CHD5: variants seen among roughly 807,000 people sequenced by gnomAD.
The protein encoded by CHD5 is chromodomain helicase DNA binding protein 5, also known as ATP-dependent chromatin remodeler CHD5.
Under a neutral mutation model 230.3 loss-of-function variants are expected in CHD5, and 69 were observed. The ratio of observed to expected loss-of-function variants is 0.30; its 90% CI spans 0.25 to 0.37. The LOEUF (loss-of-function observed/expected upper bound fraction) is 0.37. Among genes scored for constraint, CHD5 ranks in the 10% least tolerant of loss-of-function variants. CHD5 has a pLI of 1.00. For missense variants in CHD5, 1,827 were observed against 2,622.8 expected, an observed-to-expected ratio of 0.70 and a Z score of 6.63; for synonymous variants, 1,064 against 1,065.9, an observed-to-expected ratio of 1.00 and a Z score of 0.03.
intron 3 of CHD5, among the ~76,000 whole-genome samples, chr1:6,156,307 C>T (rs573122198): frequency 6.6e-6 from 1 of 152,120 alleles, no homozygotes; most frequent in Non-Finnish European, 1.5e-5. Flanking sequence ...GAGGCCAAGG[C>T]AGACAGATCA....
intron 2 of CHD5, among the ~76,000 whole-genome samples, chr1:6,165,613 C>G (rs539241493): frequency 1.3e-5 from 2 of 152,016 alleles, no homozygotes; most frequent in Non-Finnish European, 2.9e-5. Context: ...CAAGATTTTA[C>G]AGCCTCCACC....
At chr1:6,168,021 T>G in intron 2 of CHD5, 129 bp downstream of exon 2, 1 of 1,154,676 alleles carries the variant, frequency 8.7e-7, no homozygotes, top group South Asian at 1.7e-5. Flanking sequence ...ATGGTGTTTT[T>G]CATCAAACTC....
Position 6,149,422 on chromosome 1 carries a change from G to A in CHD5, c.995-10C>T, listed in dbSNP as rs569650749. On this transcript the variant is annotated splice_polypyrimidine_tract_variant and intron_variant, in intron 7 of 41. Transcript: ENST00000262450. ...CCGTCACCATCATCAACTAGGGTAG[G>A]GGAGAGGCAGTCATGGAAGTCCTCA... is the stretch of plus-strand genomic sequence containing the variant. 10 of 1,595,816 alleles carry A rather than the reference G, an allele frequency of 6.3e-6. No individual in the cohort carries two copies. In the African/African-American group the frequency reaches 8.0e-5, roughly 13 times the overall value.
rs374172691 is a variant in CHD5, at chr1:6,121,249, A to C, written c.4780-12T>G. ...GCGGCTGGAAGGGCCTGCAGAGGAA[A>C]AGCCAGGAGAACTACAAGGCCTGGG... On this transcript the variant is annotated splice_polypyrimidine_tract_variant and intron_variant, in intron 32 of 41. Transcript: ENST00000262450. The surrounding 1 kb of genome is among the most constrained non-coding windows in gnomAD (Gnocchi z 4.5). 4 of 1,603,660 alleles carry C rather than the reference A, an allele frequency of 2.5e-6. No individual in the cohort carries two copies.
At position 6,134,492 on chromosome 1, in the gene CHD5, C is replaced by A. The variant is rs184821187; in HGVS notation, c.3012+226G>T. Among the ~76,000 whole-genome samples, 282 of 152,320 alleles carry A rather than the reference C, an allele frequency of 1.9e-3. 1 individual carries two copies. Among genetic ancestry groups the A allele is most frequent in the African/African-American group, 6.5e-3 (269 of 41,588 alleles). On this transcript the variant is annotated intron_variant, in intron 19 of 41. Coordinates refer to ENST00000262450, the MANE Select transcript of CHD5 (RefSeq NM_015557.3). This position sits in a 1 kb window ranked among gnomAD's most constrained non-coding sequence, Gnocchi z 6.3. Reference sequence around the variant, plus strand: ...TTCCCAGGCAGGGCTCACAGCCGCACCAGCCCTACCACAGCAGCGGGTTCC... The same window carrying A: ...TTCCCAGGCAGGGCTCACAGCCGCAACAGCCCTACCACAGCAGCGGGTTCC...
Position 6,130,232 on chromosome 1 carries a change from G to A in CHD5, c.3359C>T (p.Ser1120Leu). Residue 1120 changes from serine to leucine, a missense_variant, in exon 22 of 42, where the codon TCG becomes TTG. Transcript: ENST00000262450. This position sits in a 1 kb window ranked among gnomAD's most constrained non-coding sequence, Gnocchi z 4.9. ...ATADTVIIYD[S>L]DWNPHNDIQA... ...GATGTCATTGTGCGGGTTCCAGTCC[G>A]AGTCGTAGATGATGACAGTGTCCGC... 3 of 1,614,074 alleles carry A rather than the reference G, an allele frequency of 1.9e-6. No individual in the cohort carries two copies. The highest frequency in any genetic ancestry group is 2.5e-6 in the Non-Finnish European group (3 of 1,179,978).
Position 6,112,250 on chromosome 1 carries a change from G to C in CHD5, c.5030C>G (p.Pro1677Arg), listed in dbSNP as rs1408178847. 3 of 1,613,996 alleles carry C rather than the reference G, an allele frequency of 1.9e-6. No individual in the cohort carries two copies. The highest frequency in any genetic ancestry group is 2.5e-6 in the Non-Finnish European group (3 of 1,180,000). The change falls in exon 35 of 42, where the codon CCC becomes CGC. Residue 1677 changes from proline (P) to arginine (R), a missense_variant. Pro to Arg is a moderately radical substitution (Grantham distance 103, BLOSUM62 -2). This residue lies in a region of CHD5 where 272 missense variants were observed against 263.2 expected (regional missense o/e 1.03). Transcript: ENST00000262450. ...GTCACCATTTTGCTGTGTTTCAATG[G>C]GCTCCTTCTCCTCAGCCTTGGTGTC... ...PDDTKAEEKE[P>R]IETQQNGDKE...
At chr1:6,124,484 C>T (rs1360360091) in intron 30 of CHD5, 33 bp downstream of exon 30, 1 of 1,613,428 alleles carries the variant, frequency 6.2e-7, no homozygotes, top group African/African-American at 1.3e-5. Context: ...AGGCAGCCAC[C>T]AGGAAGGGCC....
chr1:6,151,129 C>A lies in CHD5; in HGVS notation c.897G>T (p.Ser299=). ...TGTGGATGCTGGCGCTGTCGAAGTC[C>A]GACTCCTCCCTCTCATCTTCTTCAC... is the stretch of plus-strand genomic sequence containing the variant. The part of the protein sequence containing the change: ...SSSEEDEREE[S]DFDSASIHSA... Residue 299 remains serine, a synonymous_variant, in exon 7 of 42, where the codon TCG becomes TCT. Transcript: ENST00000262450. The A allele has an allele frequency of 6.2e-7, 1 of 1,608,566 alleles. No individual in the cohort carries two copies.
chr1:6,114,567 GT>G (rs1445752817), intron 33 of CHD5, among the ~76,000 whole-genome samples: 1 of 151,266 alleles, frequency 6.6e-6, no homozygotes, highest in Admixed American at 6.6e-5. Flanking sequence ...ATCTCATAAT[GT>G]TTTAAGAAAG....
In CHD5 at chr1:6,128,925, C is replaced by T; in HGVS notation, c.3532G>A (p.Gly1178Ser). The change falls in exon 23 of 42, where the codon GGC (glycine) becomes AGC (serine). Residue 1178 changes from glycine to serine, a missense_variant. Around this residue, in one of 14 missense-constraint regions of CHD5, gnomAD observed 81 missense variants for 245.4 expected, o/e 0.33. Coordinates refer to ENST00000262450, the MANE Select transcript of CHD5 (RefSeq NM_015557.3). The surrounding 1 kb of genome is among the most constrained non-coding windows in gnomAD (Gnocchi z 7.8). ...LTHLVVRPGLGSKSGSMTKQE... is the reference protein window; with the variant it reads ...LTHLVVRPGLSSKSGSMTKQE... Reference sequence around the variant, plus strand: ...TTGGTCATGGACCCCGACTTGGAGCCGAGGCCGGGCCGCACCACCAGGTGG... The same window carrying T: ...TTGGTCATGGACCCCGACTTGGAGCTGAGGCCGGGCCGCACCACCAGGTGG... 2 of 1,613,272 alleles carry T rather than the reference C, an allele frequency of 1.2e-6. No individual in the cohort carries two copies. Among genetic ancestry groups the T allele is most frequent in the Non-Finnish European group, 1.7e-6 (2 of 1,179,972 alleles).
At chr1:6,171,638 C>G (rs1667340693) in intron 1 of CHD5, among the ~76,000 whole-genome samples, 1 of 152,250 alleles carries the variant, frequency 6.6e-6, no homozygotes, top group African/African-American at 2.4e-5. Flanking sequence ...ATACAAGCAA[C>G]TGCACGGTCA....
chr1:6,142,411 C>T lies in CHD5; in HGVS notation c.2235+3G>A, dbSNP rs762861108. The T allele has an allele frequency of 4.4e-6, 7 of 1,602,516 alleles. No individual in the cohort carries two copies. The highest frequency in any genetic ancestry group is 6.0e-6 in the Non-Finnish European group (7 of 1,170,944). ...CTCCTGGCCGCCTGCCCCGCCTGCC[C>T]ACCTCCTTGTAGAGGGAGTAAAGGA... is the stretch of plus-strand genomic sequence containing the variant. On this transcript the variant is annotated splice_donor_region_variant and intron_variant, in intron 14 of 41. Coordinates refer to ENST00000262450, the MANE Select transcript of CHD5 (RefSeq NM_015557.3). The surrounding 1 kb of genome is among the most constrained non-coding windows in gnomAD (Gnocchi z 5.2).
At chr1:6,144,991 C>T (rs1666888761) in intron 11 of CHD5, among the ~76,000 whole-genome samples, 1 of 152,206 alleles carries the variant, frequency 6.6e-6, no homozygotes, top group African/African-American at 2.4e-5. Flanking sequence ...AGAAAAACTA[C>T]CATGTATATT....
chr1:6,131,633 T>A lies in CHD5; in HGVS notation c.3260A>T (p.Asn1087Ile). The change falls in exon 21 of 42, where the codon AAT becomes ATT. Residue 1087 changes from asparagine (N) to isoleucine (I), a missense_variant and splice_region_variant. By Grantham distance (149) the Asn-to-Ile change is moderately radical (BLOSUM62 -3). Coordinates refer to ENST00000262450, the MANE Select transcript of CHD5 (RefSeq NM_015557.3). The surrounding 1 kb of genome is among the most constrained non-coding windows in gnomAD (Gnocchi z 5.0). ...GLRQEAIDRF[N>I]APGAQQFCFL... ...ACCCTTGGGCAGGATGGGGGTACCA[T>A]TGAATCTGTCGATTGCCTCCTGCCG... is the stretch of plus-strand genomic sequence containing the variant. The A allele has an allele frequency of 6.3e-7, 1 of 1,581,460 alleles. No individual in the cohort carries two copies. The highest frequency in any genetic ancestry group is 1.1e-5 in the South Asian group (1 of 90,406).
At chr1:6,164,185 G>A (rs1003093404) in intron 2 of CHD5, among the ~76,000 whole-genome samples, 9 of 152,210 alleles carry the variant, frequency 5.9e-5, no homozygotes, top group African/African-American at 1.7e-4. Flanking sequence ...CTCTAGGCCC[G>A]ATGCTCCGCA....
At chr1:6,124,189 G>T in intron 30 of CHD5, 82 bp from the exon 31 acceptor site, 2 of 1,323,684 alleles carry the variant, frequency 1.5e-6, no homozygotes, top group Non-Finnish European at 2.1e-6. Flanking sequence ...AGGGCAGCCA[G>T]GGGGGCTGAA....
chr1:6,125,168 G>C lies in CHD5; in HGVS notation c.4326C>G (p.Pro1442=). Residue 1442 remains proline (P), a synonymous_variant, in exon 29 of 42, where the codon CCC becomes CCG. Coordinates refer to ENST00000262450, the MANE Select transcript of CHD5 (RefSeq NM_015557.3). The surrounding 1 kb of genome is among the most constrained non-coding windows in gnomAD (Gnocchi z 6.7). ...FLNAIMRWGM[P]PQDAFNSHWL... ...AGTGGGAGTTGAAGGCGTCCTGCGG[G>C]GGCATGCCCCAGCGCATGATGGCGT... is the stretch of plus-strand genomic sequence containing the variant. 1 of 1,607,146 alleles carries C rather than the reference G, an allele frequency of 6.2e-7. No homozygotes were observed. The highest frequency in any genetic ancestry group is 8.5e-7 in the Non-Finnish European group (1 of 1,177,462).
In CHD5 at chr1:6,128,441, T is replaced by G. The variant is rs1666598372; in HGVS notation, c.3730+58A>C. 1 of 1,430,930 alleles carries G rather than the reference T, an allele frequency of 7.0e-7. No individual in the cohort carries two copies. Among genetic ancestry groups the G allele is most frequent in the Admixed American group, 1.8e-5 (1 of 56,864 alleles). The allele number at this position is 1,430,930 out of a possible 1,614,324, so 88.6% of individuals were successfully genotyped here. A position where few individuals can be genotyped will look rare whatever the true frequency, so the allele number is the denominator to read the frequency against. ...AGGGCAGGTCAGGGAACCCCTCCTC[T>G]GCAGGAGCAGCCACCTGGTCGGAGG... On this transcript the variant is annotated intron_variant, in intron 24 of 41. Coordinates refer to ENST00000262450, the MANE Select transcript of CHD5 (RefSeq NM_015557.3). The surrounding 1 kb of genome is among the most constrained non-coding windows in gnomAD (Gnocchi z 7.8).
Sources: allele counts gnomAD v4.1 joint callset (sites outside exome capture counted in the v4.1 genomes callset), GRCh38; gene constraint gnomAD v4.1.1; regional missense constraint gnomAD v4.1.1; non-coding constraint Gnocchi (gnomAD v3.1); transcripts MANE v1.5; gene names NCBI Gene and HGNC (gene_info 2026-07-23, HGNC 2026-07-21).